Variants in MILR1 observed in about 807,000 individuals in gnomAD.
The protein encoded by MILR1 is mast cell immunoglobulin like receptor 1, also known as allergin-1.
MILR1 carries 31 observed loss-of-function variants against 18.5 expected under a neutral mutation model. The ratio of observed to expected loss-of-function variants is 1.68; its 90% CI spans 1.26 to 2.26. MILR1 has a LOEUF of 2.26. Ranked by LOEUF, MILR1 falls within the 30% of genes most tolerant of loss-of-function variation. The pLI, the probability that MILR1 is intolerant of heterozygous loss-of-function variation, is 0.00. For synonymous variants in MILR1, 85 were observed against 56.2 expected, an observed-to-expected ratio of 1.51 and a Z score of -2.30; for missense variants, 257 against 157.4, an observed-to-expected ratio of 1.63 and a Z score of -3.38.
At chr17:64,496,017 T>G in the MILR1 span, among the ~76,000 whole-genome samples, 1 of 152,246 alleles carries the variant, frequency 6.6e-6, no homozygotes, top group Non-Finnish European at 1.5e-5. Flanking sequence ...CCTTGATTTA[T>G]CCTATGATAT....
At chr17:64,463,523 G>A (rs1210766190) in intron 5 of MILR1, among the ~76,000 whole-genome samples, 1 of 152,158 alleles carries the variant, frequency 6.6e-6, no homozygotes, top group Non-Finnish European at 1.5e-5. Context: ...TGTGGAATGG[G>A]CCATGGAGAT....
the MILR1 span, among the ~76,000 whole-genome samples, chr17:64,486,342 A>T: frequency 2.0e-4 from 29 of 145,568 alleles, no homozygotes; most frequent in South Asian, 6.5e-4. Flanking sequence ...GCTCAGAGTT[A>T]GTATTCAGAA....
intron 8 of MILR1, 61 bp downstream of exon 8, chr17:64,466,723 CATT>C: frequency 7.1e-7 from 1 of 1,400,194 alleles, no homozygotes; most frequent in Non-Finnish European, 9.9e-7. Flanking sequence ...CCTCTGATGT[CATT>C]ATATTCAGGG....
intron 5 of MILR1, 87 bp from the exon 6 acceptor site, chr17:64,465,365 T>C: frequency 1.1e-6 from 1 of 940,446 alleles, no homozygotes; most frequent in Non-Finnish European, 1.7e-6. Context: ...GTTTCAGAAC[T>C]TTGAGGGAAT....
chr17:64,469,437 G>A (rs782208611), downstream of MILR1, among the ~76,000 whole-genome samples: 7 of 152,078 alleles, frequency 4.6e-5, no homozygotes, highest in East Asian at 1.9e-4. Context: ...TGGCTCTGTC[G>A]CCCAGGTTGG....
the MILR1 span, among the ~76,000 whole-genome samples, chr17:64,495,218 G>A: frequency 6.7e-6 from 1 of 150,300 alleles, no homozygotes; most frequent in Non-Finnish European, 1.5e-5. Flanking sequence ...GGCACTAGGT[G>A]TGCTCATTGC....
At chr17:64,461,310 C>T (rs1422776492) in intron 5 of MILR1, among the ~76,000 whole-genome samples, 6 of 152,000 alleles carry the variant, frequency 3.9e-5, no homozygotes, top group East Asian at 1.9e-4. Context: ...TGCAGTGGTA[C>T]GATCTCGGCT....
chr17:64,452,539 C>G (rs2037197742), intron 2 of MILR1, 58 bp from the exon 3 acceptor site: 1 of 412,408 alleles, frequency 2.4e-6, no homozygotes. Context: ...AGGCGTGAAC[C>G]ACCTTGCCCG....
chr17:64,497,070 A>G, the MILR1 span: 12 of 1,232,664 alleles, frequency 9.7e-6, no homozygotes, highest in Non-Finnish European at 1.4e-5. Context: ...CGCAGGCGCA[A>G]CGGAGGTGAG....
the MILR1 span, chr17:64,492,563 C>T: frequency 1.4e-6 from 1 of 707,322 alleles, no homozygotes; most frequent in South Asian, 1.5e-5. Flanking sequence ...ATATTAATAG[C>T]TACATACATC....
At chr17:64,480,228 TCATAAA>T in the MILR1 span, 6 of 581,188 alleles carry the variant, frequency 1.0e-5, no homozygotes, top group African/African-American at 1.9e-5. Context: ...TTTCTGTAAT[TCATAAA>T]CATAATCAAA....
chr17:64,485,971 C>G, the MILR1 span: 11 of 1,112,654 alleles, frequency 9.9e-6, no homozygotes, highest in African/African-American at 1.5e-5. Flanking sequence ...GGCTGGAGTG[C>G]AGTGGCATGA....
chr17:64,482,934 T>C, the MILR1 span: 2 of 1,589,870 alleles, frequency 1.3e-6, no homozygotes, highest in Admixed American at 1.7e-5. Context: ...TTAGTTCCAA[T>C]GTGGGGCCTC....
intron 5 of MILR1, among the ~76,000 whole-genome samples, chr17:64,464,573 C>T (rs2037506788): frequency 6.7e-6 from 1 of 150,194 alleles, no homozygotes; most frequent in African/African-American, 2.5e-5. Context: ...CATGTTTCTC[C>T]TTCTTATAAA....
At chr17:64,492,967 T>C in the MILR1 span, 8 of 1,613,860 alleles carry the variant, frequency 5.0e-6, no homozygotes, top group Admixed American at 1.0e-4. Flanking sequence ...AGCAAGGCCA[T>C]AAGGTAGCCT....
At chr17:64,465,159 T>G (rs187120068) in intron 5 of MILR1, among the ~76,000 whole-genome samples, 78 of 152,324 alleles carry the variant, frequency 5.1e-4, no homozygotes, top group Non-Finnish European at 7.3e-5. Flanking sequence ...CCACAGACTA[T>G]TCTCTTCAGC....
intron 4 of MILR1, among the ~76,000 whole-genome samples, chr17:64,459,990 T>A (rs2037388703): frequency 8.1e-6 from 1 of 123,520 alleles, no homozygotes; most frequent in Non-Finnish European, 1.7e-5. Flanking sequence ...TATTTTATTT[T>A]ATTTTATTTA....
At chr17:64,463,012 A>G (rs1251832450) in intron 5 of MILR1, among the ~76,000 whole-genome samples, 1 of 152,134 alleles carries the variant, frequency 6.6e-6, no homozygotes. Flanking sequence ...TAGAAGTATA[A>G]TCTATTCTAC....
chr17:64,468,053 C>T, intron 9 of MILR1: 1 of 351,072 alleles, frequency 2.8e-6, no homozygotes, highest in Non-Finnish European at 5.5e-6. Context: ...GGGAGAGAGC[C>T]CACAGAGTTG....
Sources: gnomAD v4.1 joint callset for allele counts (sites outside exome capture counted in the v4.1 genomes callset) on GRCh38, gnomAD v4.1.1 for gene constraint, MANE v1.5 for transcripts, NCBI Gene and HGNC (gene_info 2026-07-23, HGNC 2026-07-21) for gene names.